Variants in MFAP1 observed in about 807,000 individuals in gnomAD.
MFAP1 encodes microfibril associated protein 1.
Under a neutral mutation model 62.2 loss-of-function variants are expected in MFAP1, and 18 were observed. The ratio of observed to expected loss-of-function variants is 0.29; its 90% confidence interval spans 0.20 to 0.43. MFAP1 has a LOEUF of 0.43. Ranked by LOEUF, MFAP1 falls within the 20% of genes least tolerant of loss-of-function variation. The pLI, the probability that MFAP1 is intolerant of heterozygous loss-of-function variation, is 1.00. For missense variants in MFAP1, 355 were observed against 559.7 expected (o/e 0.63, Z 3.69); for synonymous variants, 175 against 180.4 (o/e 0.97, Z 0.24).
At chr15:43,815,258 C>A (rs1485402106) in intron 2 of MFAP1, among the ~76,000 whole-genome samples, 184 bp from the exon 3 acceptor site, 1 of 152,060 alleles carries the variant, frequency 6.6e-6, no homozygotes, top group Admixed American at 6.6e-5. Context: ...TGGCTCACTG[C>A]CACCTCTGCC....
Position 43,824,618 on chromosome 15 carries a change from T to G in MFAP1, c.-49A>C. 2.5e-6 allele frequency: 4 copies of G among 1,586,118 alleles called. No homozygotes were observed. Among genetic ancestry groups the G allele is most frequent in the Non-Finnish European group, 3.5e-6 (4 of 1,154,870 alleles). On this transcript the variant is annotated 5_prime_UTR_variant, in exon 1 of 9. Coordinates refer to ENST00000267812, the MANE Select transcript of MFAP1 (RefSeq NM_005926.3). ...CCGAAACTTGACTAATTCCAAACAG[T>G]GAACACCAGCAACGTCAACGAAGAG...
At chr15:43,812,188 C>CAA (rs200328815) in intron 6 of MFAP1, among the ~76,000 whole-genome samples, 11 of 90,292 alleles carry the variant, frequency 1.2e-4, no homozygotes, top group African/African-American at 3.1e-4. Context: ...AACTTCATGT[C>CAA]AAAAAAAAAA....
At chr15:43,817,581 CCAACCATCTACT>C (rs2087441205) in intron 1 of MFAP1, 133 bp from the exon 2 acceptor site, 3 of 841,744 alleles carry the variant, frequency 3.6e-6, no homozygotes, top group Non-Finnish European at 5.5e-6. Context: ...GAGCCACTAC[CCAACCATCTACT>C]CTTCTAATGG....
chr15:43,814,479 A>C, intron 4 of MFAP1, 22 bp downstream of exon 4: 1 of 1,588,606 alleles, frequency 6.3e-7, no homozygotes, highest in Non-Finnish European at 8.6e-7. Flanking sequence ...GTGGATTCAG[A>C]TCTGGCTTGT....
chr15:43,818,030 T>C (rs1213901871), intron 1 of MFAP1, among the ~76,000 whole-genome samples: 1 of 151,074 alleles, frequency 6.6e-6, no homozygotes, highest in African/African-American at 2.4e-5. Context: ...TTTTTTTTTT[T>C]TTTTTTTGAG....
At chr15:43,814,130 G>A (rs2087420153) in intron 4 of MFAP1, among the ~76,000 whole-genome samples, 2 of 152,124 alleles carry the variant, frequency 1.3e-5, no homozygotes, top group South Asian at 4.1e-4. Flanking sequence ...GCGCATGCCT[G>A]TAATCCCAGC....
chr15:43,815,164 T>C, intron 2 of MFAP1, 90 bp from the exon 3 acceptor site: 4 of 1,540,932 alleles, frequency 2.6e-6, no homozygotes, highest in Non-Finnish European at 3.5e-6. Context: ...CACATTATGT[T>C]TGCCTTCATT....
intron 6 of MFAP1, among the ~76,000 whole-genome samples, chr15:43,811,510 CTTTTTTT>C (rs373931995): frequency 3.0e-5 from 4 of 134,578 alleles, no homozygotes; most frequent in Non-Finnish European, 6.4e-5. Flanking sequence ...TTCTTTTTTT[CTTTTTTT>C]TTTTTTTCCA....
intron 6 of MFAP1, among the ~76,000 whole-genome samples, chr15:43,812,281 A>G (rs995670048): frequency 2.6e-5 from 4 of 152,074 alleles, no homozygotes; most frequent in Non-Finnish European, 5.9e-5. Context: ...CCCTTTTCAA[A>G]AAGTATGACT....
Position 43,804,958 on chromosome 15 carries a change from TA to T in MFAP1, c.*135del. ...CACAAAGCACCTTCAAAGTCTGGGC[TA>T]CCCAGTATCACAAGTATAGCAGTAA... On this transcript the variant is annotated 3_prime_UTR_variant, in exon 9 of 9. Coordinates refer to ENST00000267812, the MANE Select transcript of MFAP1 (RefSeq NM_005926.3). 1.0e-6 allele frequency: 1 copy of T among 967,664 alleles called. No individual in the cohort carries two copies. The allele number at this position is 967,664 out of a possible 1,614,324, so 59.9% of individuals were successfully genotyped here. A position where few individuals can be genotyped will look rare whatever the true frequency, so the allele number is the denominator to read the frequency against.
chr15:43,820,750 C>T (rs764355201), intron 1 of MFAP1, among the ~76,000 whole-genome samples: 6 of 152,246 alleles, frequency 3.9e-5, no homozygotes, highest in Middle Eastern at 3.4e-3. Flanking sequence ...GGACTACAGG[C>T]GTGCAACACC....
chr15:43,821,650 C>T (rs1402538822), intron 1 of MFAP1, among the ~76,000 whole-genome samples: 1 of 152,042 alleles, frequency 6.6e-6, no homozygotes, highest in Non-Finnish European at 1.5e-5. Flanking sequence ...AGACCTCTAA[C>T]TTCCACCACA....
Position 43,805,178 on chromosome 15 carries a change from C to G in MFAP1, c.1236G>C (p.Gln412His), listed in dbSNP as rs768542466. The G allele has an allele frequency of 8.7e-6, 14 of 1,604,400 alleles. No individual in the cohort carries two copies. Among genetic ancestry groups the G allele is most frequent in the Non-Finnish European group, 1.1e-5 (13 of 1,171,848 alleles). The change falls in exon 9 of 9, where the codon CAG (glutamine) becomes CAC (histidine). Residue 412 changes from glutamine to histidine, a missense_variant. By Grantham distance (24) the Gln-to-His change is conservative. This residue lies in a region of MFAP1 where 44 missense variants were observed against 80.8 expected (regional missense o/e 0.54). Transcript: ENST00000267812. The part of the protein sequence containing the change: ...FDSAWGQESA[Q>H]NTKFFKQKAA... Reference sequence around the variant, plus strand: ...CCTTTTGTTTGAAGAACTTTGTGTTCTGGGCACTCTCTTGGCCCCAAGCTG... The same window carrying G: ...CCTTTTGTTTGAAGAACTTTGTGTTGTGGGCACTCTCTTGGCCCCAAGCTG...
rs1384382462 is a variant in MFAP1, at chr15:43,817,435, C to T, written c.93G>A (p.Met31Ile). The change falls in exon 2 of 9, where the codon ATG becomes ATA. Residue 31 changes from methionine (M) to isoleucine (I), a missense_variant. By Grantham distance (10) the Met-to-Ile change is conservative. Transcript: ENST00000267812. Reference sequence around the variant, plus strand: ...CATAACGCTTTACCTTCACTTTTTCCATTGAAATCTCACCTGGGCGAGAAA... The same window carrying T: ...CATAACGCTTTACCTTCACTTTTTCTATTGAAATCTCACCTGGGCGAGAAA... ...PVRNEKGEIS[M>I]EKVKVKRYVS... 1.2e-6 allele frequency: 2 copies of T among 1,614,024 alleles called. No individual in the cohort carries two copies. The highest frequency in any genetic ancestry group is 2.7e-5 in the African/African-American group (2 of 74,902).
chr15:43,810,843 GC>G (rs1215090028), intron 6 of MFAP1, among the ~76,000 whole-genome samples: 17 of 151,854 alleles, frequency 1.1e-4, no homozygotes, highest in Non-Finnish European at 7.4e-5. Flanking sequence ...TGCAACCTCT[GC>G]CTCCCAGGTT....
intron 1 of MFAP1, among the ~76,000 whole-genome samples, chr15:43,822,200 C>CAAAA (rs779775224): frequency 1.5e-5 from 1 of 65,936 alleles, no homozygotes; most frequent in Non-Finnish European, 3.4e-5. Flanking sequence ...AACTCTTTCT[C>CAAAA]AAAAAAAAAA....
At chr15:43,814,361 C>G (rs1404435205) in intron 4 of MFAP1, 140 bp downstream of exon 4, 1 of 854,906 alleles carries the variant, frequency 1.2e-6, no homozygotes, top group East Asian at 2.5e-5. Context: ...AGCAGCTAGT[C>G]TGCCAAGGGT....
rs1310545985 is a variant in MFAP1 at position 43,824,582 on chromosome 15, G to T, written c.-13C>A. On this transcript the variant is annotated 5_prime_UTR_variant, in exon 1 of 9. Transcript: ENST00000267812. ...TTGGGACCGACATGTTGATGGCAGC[G>T]ACGGTGATTCCCGAAACTTGACTAA... 2 of 1,614,094 alleles carry T rather than the reference G, an allele frequency of 1.2e-6. No homozygotes were observed. The highest frequency in any genetic ancestry group is 8.5e-7 in the Non-Finnish European group (1 of 1,179,968).
chr15:43,808,933 T>C (rs1050679182), intron 7 of MFAP1, among the ~76,000 whole-genome samples: 2 of 152,264 alleles, frequency 1.3e-5, no homozygotes, highest in Admixed American at 6.5e-5. Context: ...AAAACAAAGA[T>C]GACGGCATTC....
Sources: gnomAD v4.1 joint callset for allele counts (sites outside exome capture counted in the v4.1 genomes callset) on GRCh38, gnomAD v4.1.1 for gene constraint, gnomAD v4.1.1 regional missense constraint, MANE v1.5 for transcripts, NCBI Gene and HGNC (gene_info 2026-07-23, HGNC 2026-07-21) for gene names.